The following CHSY1 variants were observed in gnomAD, a reference collection of about 807,000 sequenced individuals.
CHSY1 encodes the protein N-acetylgalactosaminyl-proteoglycan 3-beta-glucuronosyltransferase 1.
In CHSY1, 13 loss-of-function variants were observed where a neutral mutation model predicts 59.8. The ratio of observed to expected loss-of-function variants is 0.22; its 90% CI spans 0.14 to 0.35. CHSY1 has a LOEUF of 0.35. Ranked by LOEUF, CHSY1 falls within the 10% of genes least tolerant of loss-of-function variation. CHSY1 has a pLI of 1.00. For missense variants in CHSY1, 947 were observed against 1,030.6 expected, an observed-to-expected ratio of 0.92 and a Z score of 1.11; for synonymous variants, 459 against 401.2, an observed-to-expected ratio of 1.14 and a Z score of -1.72.
At chr15:101,208,766 C>T (rs980595900) in intron 2 of CHSY1, among the ~76,000 whole-genome samples, 2 of 149,526 alleles carry the variant, frequency 1.3e-5, no homozygotes, top group Non-Finnish European at 1.5e-5. Context: ...AGCCACTGGA[C>T]ACGTCTAAGG....
intron 1 of CHSY1, among the ~76,000 whole-genome samples, chr15:101,248,906 C>T (rs1337633939): frequency 6.6e-6 from 1 of 151,928 alleles, no homozygotes. Context: ...CCTGCCTCAG[C>T]CTCCCGAGTA....
intron 2 of CHSY1, among the ~76,000 whole-genome samples, chr15:101,198,076 C>T (rs2038527872): frequency 6.6e-6 from 1 of 152,034 alleles, no homozygotes. Flanking sequence ...CTCCGGCTAT[C>T]GGGCCTTCTG....
At chr15:101,214,219 G>A (rs988808008) in intron 2 of CHSY1, among the ~76,000 whole-genome samples, 4 of 152,148 alleles carry the variant, frequency 2.6e-5, no homozygotes, top group East Asian at 1.9e-4. Context: ...AAACCCAGCC[G>A]CATCTTGCAT....
At chr15:101,204,937 G>A (rs1302852721) in intron 2 of CHSY1, among the ~76,000 whole-genome samples, 1 of 152,056 alleles carries the variant, frequency 6.6e-6, no homozygotes, top group Non-Finnish European at 1.5e-5. Context: ...CCATCTGGCA[G>A]AGTTAAGAAT....
rs558837818 is a variant in CHSY1, at chr15:101,187,525, T to A, written c.817-8545A>T. On this transcript the variant is annotated intron_variant, in intron 2 of 2. Coordinates refer to ENST00000254190, the MANE Select transcript of CHSY1 (RefSeq NM_014918.5). ...AACAAACAAACAAAACTCCAGAATA[T>A]TTTGATAGTACCAAATTCAAAGTTT... is the stretch of plus-strand genomic sequence containing the variant. The A allele has an allele frequency of 2.6e-5, 4 of 152,306 alleles. No individual in the cohort carries two copies. The South Asian group carries it at 8.3e-4, about 32-fold the overall frequency. The allele number at this position is 152,306 out of a possible 1,614,324, so 9.4% of individuals were successfully genotyped here.
At chr15:101,251,000 CGA>C in intron 1 of CHSY1, 135 bp downstream of exon 1, 1 of 822,080 alleles carries the variant, frequency 1.2e-6, no homozygotes, top group Non-Finnish European at 1.9e-6. Context: ...CGGCGTCTCC[CGA>C]GAGGCAACCC....
At chr15:101,210,087 G>A (rs1425253512) in intron 2 of CHSY1, among the ~76,000 whole-genome samples, 1 of 151,958 alleles carries the variant, frequency 6.6e-6, no homozygotes, top group Non-Finnish European at 1.5e-5. Context: ...ATGTTTCTAG[G>A]AAAAAGCATG....
intron 2 of CHSY1, among the ~76,000 whole-genome samples, chr15:101,207,068 A>C (rs1160156989): frequency 6.6e-6 from 1 of 152,248 alleles, no homozygotes; most frequent in Non-Finnish European, 1.5e-5. Flanking sequence ...AAAGGAAACA[A>C]ACAAAACCTA....
At chr15:101,245,919 G>A (rs1307848353) in intron 1 of CHSY1, among the ~76,000 whole-genome samples, 1 of 152,248 alleles carries the variant, frequency 6.6e-6, no homozygotes, top group Non-Finnish European at 1.5e-5. Flanking sequence ...CTAAGAAAGT[G>A]AGGACTGCTC....
chr15:101,215,307 G>T (rs2038720412), intron 2 of CHSY1, among the ~76,000 whole-genome samples: 3 of 152,190 alleles, frequency 2.0e-5, no homozygotes, highest in Admixed American at 2.0e-4. Flanking sequence ...TATACTATCA[G>T]TATGAGCCTA....
intron 2 of CHSY1, among the ~76,000 whole-genome samples, chr15:101,210,651 G>C (rs2141260527): frequency 6.6e-6 from 1 of 152,322 alleles, no homozygotes; most frequent in Admixed American, 6.5e-5. Flanking sequence ...GAAAAATGAA[G>C]CAGCTGATTC....
chr15:101,227,087 T>C (rs1343348392), intron 2 of CHSY1, among the ~76,000 whole-genome samples: 2 of 152,204 alleles, frequency 1.3e-5, no homozygotes, highest in African/African-American at 4.8e-5. Flanking sequence ...AGACAGTATT[T>C]ATGCAAGAAA....
intron 2 of CHSY1, among the ~76,000 whole-genome samples, chr15:101,225,213 G>A (rs144139337): frequency 4.0e-5 from 6 of 151,466 alleles, no homozygotes; most frequent in African/African-American, 7.3e-5. Flanking sequence ...GACCACAGGC[G>A]TGCAACAAAA....
At chr15:101,194,238 C>G (rs775081855) in intron 2 of CHSY1, among the ~76,000 whole-genome samples, 17 of 152,214 alleles carry the variant, frequency 1.1e-4, no homozygotes, top group Non-Finnish European at 1.8e-4. Flanking sequence ...ACATAGACCA[C>G]CCACGTGCTA....
chr15:101,243,372 A>G (rs1390736927), intron 1 of CHSY1, among the ~76,000 whole-genome samples: 1 of 152,236 alleles, frequency 6.6e-6, no homozygotes, highest in African/African-American at 2.4e-5. Flanking sequence ...ACTAATACTT[A>G]ATGATCCACA....
chr15:101,235,336 A>G lies in CHSY1; in HGVS notation c.562T>C (p.Leu188=). ...GDRLENFLRS[L]NSSEPLFLGQ... is the part of the protein sequence containing the mutation. ...AGAAAGAGGGGCTCGCTGCTGTTCA[A>G]ACTCCTCAGGAAGTTCTCCAGACGG... Residue 188 remains leucine, a synonymous_variant, in exon 2 of 3, where the codon TTG becomes CTG. Coordinates refer to ENST00000254190, the MANE Select transcript of CHSY1 (RefSeq NM_014918.5). 6.2e-7 allele frequency: 1 copy of G among 1,614,182 alleles called. No individual in the cohort carries two copies. Among genetic ancestry groups the G allele is most frequent in the Non-Finnish European group, 8.5e-7 (1 of 1,180,028 alleles).
chr15:101,239,805 CG>C (rs1407264931), intron 1 of CHSY1, among the ~76,000 whole-genome samples: 3 of 152,090 alleles, frequency 2.0e-5, no homozygotes, highest in African/African-American at 7.2e-5. Context: ...GCAAATTTCA[CG>C]AGCATTTCGC....
At chr15:101,228,816 A>C (rs957706337) in intron 2 of CHSY1, among the ~76,000 whole-genome samples, 2 of 152,228 alleles carry the variant, frequency 1.3e-5, no homozygotes, top group African/African-American at 4.8e-5. Flanking sequence ...CTACATAGGT[A>C]AAAAAGGGTA....
chr15:101,186,376 T>C (rs567831505), intron 2 of CHSY1, among the ~76,000 whole-genome samples: 26 of 152,144 alleles, frequency 1.7e-4, no homozygotes, highest in African/African-American at 6.0e-4. Flanking sequence ...CATGACTAAA[T>C]TGCAATTTTC....
Sources: allele counts gnomAD v4.1 joint callset (sites outside exome capture counted in the v4.1 genomes callset), GRCh38; gene constraint gnomAD v4.1.1; transcripts MANE v1.5; gene names NCBI Gene and HGNC (gene_info 2026-07-23, HGNC 2026-07-21).